The following PPFIA1 variants were observed in gnomAD, a reference collection of about 807,000 sequenced individuals.
The protein encoded by PPFIA1 is liprin-alpha-1.
Under a neutral mutation model 149.9 loss-of-function variants are expected in PPFIA1, and 25 were observed. The ratio of observed to expected loss-of-function variants is 0.17; its 90% CI spans 0.12 to 0.23. PPFIA1 has a LOEUF of 0.23. PPFIA1 is among the 10% of genes least tolerant of loss of function. PPFIA1 has a pLI of 1.00. For missense variants in PPFIA1, 1,362 were observed against 1,506.5 expected (o/e 0.90, Z 1.59); for synonymous variants, 549 against 552.8 (o/e 0.99, Z 0.10).
rs144204818 is a variant in PPFIA1, at chr11:70,285,880, A to T, written c.264+13444A>T. Among the ~76,000 whole-genome samples, 181 of 152,232 alleles carry T rather than the reference A, an allele frequency of 1.2e-3. 1 individual carries two copies. The highest frequency in any genetic ancestry group is 4.0e-3 in the African/African-American group (166 of 41,540). ...CACCGTTCTAGGTGCTGAATATTCCATAGGTAAAAAGGGTTATTTAGCCCA... is the reference window on the plus strand; with the variant it reads ...CACCGTTCTAGGTGCTGAATATTCCTTAGGTAAAAAGGGTTATTTAGCCCA... On this transcript the variant is annotated intron_variant, in intron 2 of 27. Coordinates refer to ENST00000253925, the MANE Select transcript of PPFIA1 (RefSeq NM_003626.5).
chr11:70,382,466 C>A (rs868001770), intron 27 of PPFIA1, among the ~76,000 whole-genome samples: 1 of 152,014 alleles, frequency 6.6e-6, no homozygotes, highest in African/African-American at 2.4e-5. Flanking sequence ...GGGAGGAGAG[C>A]AGAGCATGGC....
At chr11:70,315,323 G>T (rs1591177815) in intron 2 of PPFIA1, among the ~76,000 whole-genome samples, 1 of 152,094 alleles carries the variant, frequency 6.6e-6, no homozygotes, top group African/African-American at 2.4e-5. Context: ...GAAGTTTGTG[G>T]TCTTCTTTTC....
At chr11:70,309,251 C>G (rs1022293606) in intron 2 of PPFIA1, among the ~76,000 whole-genome samples, 8 of 152,054 alleles carry the variant, frequency 5.3e-5, no homozygotes, top group African/African-American at 1.9e-4. Context: ...CCGACCGCAA[C>G]CTCCGCCTCT....
intron 2 of PPFIA1, among the ~76,000 whole-genome samples, chr11:70,295,562 A>C (rs1315222944): frequency 3.1e-4 from 27 of 87,924 alleles, no homozygotes; most frequent in Middle Eastern, 6.8e-3. Context: ...CGGGGGGCTG[A>C]CCCCCCCACC....
chr11:70,340,509 G>A (rs1591276149), intron 14 of PPFIA1, among the ~76,000 whole-genome samples: 2 of 152,166 alleles, frequency 1.3e-5, no homozygotes, highest in East Asian at 3.9e-4. Context: ...ACCTTTGAAC[G>A]TTTACCTTCT....
chr11:70,371,135 T>G (rs1321593656), intron 21 of PPFIA1, among the ~76,000 whole-genome samples: 4 of 152,184 alleles, frequency 2.6e-5, no homozygotes, highest in African/African-American at 9.7e-5. Flanking sequence ...TTTCCCCTTG[T>G]AATTTCTTGC....
At position 70,331,976 on chromosome 11, in the gene PPFIA1, G is replaced by A. The variant is rs553765591; in HGVS notation, c.1094G>A (p.Arg365His). 29 of 1,609,460 alleles carry A rather than the reference G, an allele frequency of 1.8e-5. No individual in the cohort carries two copies. The highest frequency in any genetic ancestry group is 1.7e-4 in the Middle Eastern group (1 of 6,028). Reference sequence around the variant, plus strand: ...ATTTTATAGACTGAAGATAAAAACCGCCAGTTACAGGAGCGCTTGGAATTG... The same window carrying A: ...ATTTTATAGACTGAAGATAAAAACCACCAGTTACAGGAGCGCTTGGAATTG... Reference protein sequence around the residue: ...SMHRQTEDKNRQLQERLELAE... With the variant: ...SMHRQTEDKNHQLQERLELAE... The change falls in exon 9 of 28, where the codon CGC becomes CAC. Residue 365 changes from arginine to histidine, a missense_variant. Arg to His is a conservative substitution (Grantham distance 29, BLOSUM62 0). Transcript: ENST00000253925.
At chr11:70,354,094 C>T (rs931674618) in intron 16 of PPFIA1, 8 of 526,016 alleles carry the variant, frequency 1.5e-5, no homozygotes, top group Admixed American at 1.0e-4. Context: ...CCCCAGCGCA[C>T]GCTCGTGGGG....
chr11:70,375,052 G>A lies in PPFIA1; in HGVS notation c.3274G>A (p.Ala1092Thr), dbSNP rs2057426613. 4 of 1,613,532 alleles carry A rather than the reference G, an allele frequency of 2.5e-6. No homozygotes were observed. Among genetic ancestry groups the A allele is most frequent in the East Asian group, 2.2e-5 (1 of 44,848 alleles). ...LALDETFDFS[A>T]LALLLQIPTQ... is the part of the protein sequence containing the mutation. ...CTTAGATGAAACCTTCGACTTCAGTGCACTGGCACTGCTGTTACAGATCCC... is the reference window on the plus strand; with the variant it reads ...CTTAGATGAAACCTTCGACTTCAGTACACTGGCACTGCTGTTACAGATCCC... Residue 1092 changes from alanine to threonine, a missense_variant, in exon 24 of 28, where the codon GCA becomes ACA. Coordinates refer to ENST00000253925, the MANE Select transcript of PPFIA1 (RefSeq NM_003626.5).
At chr11:70,273,062 G>A (rs551335934) in intron 2 of PPFIA1, among the ~76,000 whole-genome samples, 114 of 152,344 alleles carry the variant, frequency 7.5e-4, no homozygotes, top group African/African-American at 2.7e-3. Flanking sequence ...CGGATCACCT[G>A]AGGTCAGGAG....
intron 2 of PPFIA1, among the ~76,000 whole-genome samples, chr11:70,316,532 A>G (rs1228994575): frequency 6.6e-6 from 1 of 152,254 alleles, no homozygotes; most frequent in East Asian, 1.9e-4. Context: ...TAACATGGCC[A>G]AGTAAAGAAA....
In PPFIA1 at chr11:70,339,159, T is replaced by C; in HGVS notation, c.1572-12T>C. 6.2e-7 allele frequency: 1 copy of C among 1,612,450 alleles called. No individual in the cohort carries two copies. Among genetic ancestry groups the C allele is most frequent in the African/African-American group, 1.3e-5 (1 of 74,920 alleles). Reference sequence around the variant, plus strand: ...CTTCTAATAATGATCATTCTTATTTTTCATGTTTCAGCCGACCCCACTTGG... The same window carrying C: ...CTTCTAATAATGATCATTCTTATTTCTCATGTTTCAGCCGACCCCACTTGG... On this transcript the variant is annotated splice_polypyrimidine_tract_variant and intron_variant, in intron 13 of 27. Transcript: ENST00000253925.
intron 2 of PPFIA1, chr11:70,320,134 C>T (rs1409301672): frequency 3.3e-5 from 5 of 152,188 alleles, no homozygotes; most frequent in Admixed American, 1.3e-4. Context: ...CTGTAACGTC[C>T]GATCGAGGTG....
At chr11:70,296,262 T>C (rs2052008209) in intron 2 of PPFIA1, among the ~76,000 whole-genome samples, 1 of 152,006 alleles carries the variant, frequency 6.6e-6, no homozygotes. Context: ...GAGACGCTCC[T>C]CACTTCCTAG....
At chr11:70,372,653 C>T (rs2057322904) in intron 23 of PPFIA1, 79 bp downstream of exon 23, 1 of 1,185,058 alleles carries the variant, frequency 8.4e-7, no homozygotes, top group African/African-American at 1.5e-5. Flanking sequence ...TCCTATTTTT[C>T]AAAAAATCAA....
intron 2 of PPFIA1, among the ~76,000 whole-genome samples, chr11:70,295,165 C>T (rs1196351793): frequency 1.3e-5 from 2 of 150,012 alleles, no homozygotes; most frequent in African/African-American, 4.9e-5. Flanking sequence ...CTGGGTGGGG[C>T]GGCTGGCCGG....
At chr11:70,299,302 G>A (rs2052311092) in intron 2 of PPFIA1, among the ~76,000 whole-genome samples, 1 of 152,084 alleles carries the variant, frequency 6.6e-6, no homozygotes, top group Admixed American at 6.5e-5. Flanking sequence ...AGAATAAAAT[G>A]GTTTTCTTTT....
intron 16 of PPFIA1, among the ~76,000 whole-genome samples, chr11:70,348,793 C>T (rs2137231507): frequency 6.6e-6 from 1 of 152,222 alleles, no homozygotes; most frequent in Middle Eastern, 3.4e-3. Flanking sequence ...ATCACCTGAG[C>T]CCAGGAGGTC....
chr11:70,348,223 C>T lies in PPFIA1; in HGVS notation c.1966C>T (p.Arg656Trp), dbSNP rs141485507. The T allele has an allele frequency of 1.7e-5, 28 of 1,614,046 alleles. No homozygotes were observed. The highest frequency in any genetic ancestry group is 6.7e-5 in the Admixed American group (4 of 59,998). ...GGAAGAAAAAGAAAATACAGAGCAGCGGGCAGAGGAGATTGAAAGTCGAGT... is the reference window on the plus strand; with the variant it reads ...GGAAGAAAAAGAAAATACAGAGCAGTGGGCAGAGGAGATTGAAAGTCGAGT... ...IQEEKENTEQ[R>W]AEEIESRVGS... The change falls in exon 16 of 28, where the codon CGG (arginine) becomes TGG (tryptophan). Residue 656 changes from arginine to tryptophan, a missense_variant. By Grantham distance (101) the Arg-to-Trp change is moderately radical. This residue lies in a region of PPFIA1 where 733 missense variants were observed against 744.1 expected (regional missense o/e 0.99). Transcript: ENST00000253925.
Sources: allele counts gnomAD v4.1 joint callset (sites outside exome capture counted in the v4.1 genomes callset), GRCh38; gene constraint gnomAD v4.1.1; regional missense constraint gnomAD v4.1.1; transcripts MANE v1.5; gene names NCBI Gene and HGNC (gene_info 2026-07-23, HGNC 2026-07-21).